Variants in FGFR2 observed in about 807,000 individuals in gnomAD.
The protein encoded by FGFR2 is BEK fibroblast growth factor receptor.
FGFR2 carries 19 observed loss-of-function variants against 95.9 expected under a neutral mutation model. The ratio of observed to expected loss-of-function variants is 0.20; its 90% CI spans 0.14 to 0.29. The LOEUF (loss-of-function observed/expected upper bound fraction) is 0.29, where lower values mean the gene tolerates loss of function less well. Ranked by LOEUF, FGFR2 falls within the 10% of genes least tolerant of loss-of-function variation. FGFR2 has a pLI of 1.00. For synonymous variants in FGFR2, 392 were observed against 393.3 expected (o/e 1.00, Z 0.04); for missense variants, 707 against 1,056.9 (o/e 0.67, Z 4.59).
intron 2 of FGFR2, among the ~76,000 whole-genome samples, chr10:121,569,404 TGA>T (rs759476641): frequency 2.6e-5 from 4 of 152,112 alleles, no homozygotes; most frequent in Admixed American, 6.5e-5. Context: ...TGTATTTTTA[TGA>T]GAGACAGCGT....
chr10:121,588,972 T>A (rs955670419), intron 2 of FGFR2, among the ~76,000 whole-genome samples: 1 of 151,558 alleles, frequency 6.6e-6, no homozygotes, highest in Non-Finnish European at 1.5e-5. Flanking sequence ...GAAAAAAAAA[T>A]AGAGACCATA....
chr10:121,490,891 G>A (rs1489713200), intron 13 of FGFR2, among the ~76,000 whole-genome samples: 2 of 152,284 alleles, frequency 1.3e-5, no homozygotes, highest in East Asian at 1.9e-4. Context: ...AGAAAGCCAC[G>A]CAAGCTTGCA....
At chr10:121,480,488 A>C in intron 17 of FGFR2, 1 of 263,930 alleles carries the variant, frequency 3.8e-6, no homozygotes, top group Non-Finnish European at 7.4e-6. Context: ...GGGTCCCCAG[A>C]CCCCCTTTAA....
At chr10:121,490,151 CT>C (rs1564863317) in intron 13 of FGFR2, among the ~76,000 whole-genome samples, 9 of 134,678 alleles carry the variant, frequency 6.7e-5, no homozygotes, top group African/African-American at 2.4e-4. Context: ...ACGACTTTTC[CT>C]TCTTTTTTTT....
chr10:121,506,064 T>C (rs1009053298), intron 9 of FGFR2, among the ~76,000 whole-genome samples: 2 of 151,896 alleles, frequency 1.3e-5, no homozygotes, highest in East Asian at 3.9e-4. Flanking sequence ...GCCAAACTAG[T>C]AAGAACCGGC....
intron 2 of FGFR2, among the ~76,000 whole-genome samples, chr10:121,579,459 A>AT (rs1282999558): frequency 1.3e-5 from 2 of 152,358 alleles, no homozygotes; most frequent in Non-Finnish European, 2.9e-5. Context: ...GTCTCATCAC[A>AT]TATAAGTTAC....
At position 121,500,647 on chromosome 10, in the gene FGFR2, A is replaced by G. The variant is rs74160616; in HGVS notation, c.1561+179T>C. On this transcript the variant is annotated intron_variant, in intron 11 of 17. Coordinates refer to ENST00000358487, the MANE Select transcript of FGFR2 (RefSeq NM_000141.5). ...AACTGGCTTTTCTTTATAAGTACAC[A>G]CAGCTCAAGATAAATAGTCTGTCCG... Among the ~76,000 whole-genome samples the G allele has an allele frequency of 2.7e-3, 414 of 152,326 alleles. No individual in the cohort carries two copies. Among genetic ancestry groups the G allele is most frequent in the African/African-American group, 9.4e-3 (392 of 41,566 alleles).
At chr10:121,510,104 T>C (rs562572489) in intron 9 of FGFR2, among the ~76,000 whole-genome samples, 1 of 152,304 alleles carries the variant, frequency 6.6e-6, no homozygotes, top group South Asian at 2.1e-4. Flanking sequence ...GAGATAAACC[T>C]TCAAAGGCTT....
chr10:121,545,891 T>A (rs181745254), intron 5 of FGFR2, among the ~76,000 whole-genome samples: 6 of 152,312 alleles, frequency 3.9e-5, no homozygotes, highest in Admixed American at 1.3e-4. Flanking sequence ...GCTGAGGGGC[T>A]CCAGGGGAAC....
chr10:121,526,162 CCAAAATG>C (rs1441095322), intron 6 of FGFR2: 13 of 398,482 alleles, frequency 3.3e-5, no homozygotes, highest in Non-Finnish European at 5.3e-5. Context: ...TACCTTTCCT[CCAAAATG>C]GCAGTCTCTT....
intron 2 of FGFR2, among the ~76,000 whole-genome samples, chr10:121,591,228 G>A (rs1163968368): frequency 3.3e-5 from 5 of 152,192 alleles, no homozygotes; most frequent in East Asian, 1.9e-4. Flanking sequence ...GGACCCTACA[G>A]AAAGCAAACA....
chr10:121,584,908 C>T (rs111532195), intron 2 of FGFR2, among the ~76,000 whole-genome samples: 26 of 115,764 alleles, frequency 2.2e-4, no homozygotes, highest in African/African-American at 8.9e-4. Context: ...CCACCCCAAA[C>T]GATCCCATAA....
chr10:121,539,991 C>T (rs1004982344), intron 5 of FGFR2, among the ~76,000 whole-genome samples: 1 of 152,198 alleles, frequency 6.6e-6, no homozygotes, highest in African/African-American at 2.4e-5. Flanking sequence ...TCATGTCAGC[C>T]ACTCAGTTCT....
intron 5 of FGFR2, among the ~76,000 whole-genome samples, chr10:121,547,302 G>C (rs1478056237): frequency 6.6e-6 from 1 of 152,132 alleles, no homozygotes; most frequent in Non-Finnish European, 1.5e-5. Context: ...CAGGCCCTCT[G>C]AGTTTCAATT....
Position 121,517,548 on chromosome 10 carries a change from CG to C in FGFR2, c.940-86del. The C allele has an allele frequency of 1.3e-6, 2 of 1,554,896 alleles. No individual in the cohort carries two copies. The highest frequency in any genetic ancestry group is 8.8e-7 in the Non-Finnish European group (1 of 1,133,256). ...GCTGTGGAACCACAAGGCGTCGCAC[CG>C]GGGGCTTCAGGGGGTGCTGGCCACT... On this transcript the variant is annotated intron_variant, in intron 7 of 17. Transcript: ENST00000358487. This position sits in a 1 kb window ranked among gnomAD's most constrained non-coding sequence, Gnocchi z 4.7.
chr10:121,493,722 T>A (rs1408719149), intron 13 of FGFR2, among the ~76,000 whole-genome samples: 1 of 152,152 alleles, frequency 6.6e-6, no homozygotes, highest in African/African-American at 2.4e-5. Context: ...CTTTGCTGCC[T>A]CCCAGCTGTT....
intron 5 of FGFR2, among the ~76,000 whole-genome samples, chr10:121,548,877 C>A (rs1301949007): frequency 6.6e-6 from 1 of 152,084 alleles, no homozygotes; most frequent in East Asian, 1.9e-4. Flanking sequence ...CCCATGAAAT[C>A]CTTAACTTTT....
chr10:121,503,962 C>G (rs1342592737), intron 9 of FGFR2, 21 bp from the exon 10 acceptor site: 9 of 1,613,634 alleles, frequency 5.6e-6, no homozygotes, highest in Non-Finnish European at 7.6e-6. Context: ...AATGCAAAGA[C>G]ACAGATGTAA....
Position 121,479,363 on chromosome 10 carries a change from G to C in FGFR2, c.*494C>G, listed in dbSNP as rs1340430588. 3.3e-6 allele frequency: 1 copy of C among 298,658 alleles called. No individual in the cohort carries two copies. Among genetic ancestry groups the C allele is most frequent in the Non-Finnish European group, 6.0e-6 (1 of 165,728 alleles). The allele number at this position is 298,658 out of a possible 1,614,324, so 18.5% of individuals were successfully genotyped here. On this transcript the variant is annotated 3_prime_UTR_variant, in exon 18 of 18. Transcript: ENST00000358487. ...AGCAAATAGCTATTAAAAAAAGAGA[G>C]ACCAATTTTCTAGGTGCATTGGGAC...
Sources: gnomAD v4.1 joint callset for allele counts (sites outside exome capture counted in the v4.1 genomes callset) on GRCh38, gnomAD v4.1.1 for gene constraint, Gnocchi (gnomAD v3.1) non-coding constraint, MANE v1.5 for transcripts, NCBI Gene and HGNC (gene_info 2026-07-23, HGNC 2026-07-21) for gene names.